Variants in RELT observed in about 807,000 individuals in gnomAD.
RELT encodes the protein tumor necrosis factor receptor superfamily member 19L.
Under a neutral mutation model 51.1 loss-of-function variants are expected in RELT, and 37 were observed. That is an observed-to-expected ratio of 0.72 (90% confidence interval 0.56 to 0.95). RELT has a LOEUF of 0.95. RELT is among the 40% of genes least tolerant of loss of function. The pLI is 0.00. For missense variants in RELT, 535 were observed against 572.6 expected, an observed-to-expected ratio of 0.93 and a Z score of 0.67; for synonymous variants, 241 against 235.7, an observed-to-expected ratio of 1.02 and a Z score of -0.21.
intron 1 of RELT, 143 bp downstream of exon 1, chr11:73,376,642 G>C (rs1865970374): frequency 6.6e-6 from 1 of 151,778 alleles, no homozygotes; most frequent in African/African-American, 2.4e-5. Flanking sequence ...CCGGCCGCGC[G>C]CCCCCCCACC....
chr11:73,395,760 G>T lies in RELT; in HGVS notation c.*269G>T. 3.6e-6 allele frequency: 2 copies of T among 553,414 alleles called. No homozygotes were observed. Among genetic ancestry groups the T allele is most frequent in the Non-Finnish European group, 6.5e-6 (2 of 308,858 alleles). 34.3% of individuals were successfully genotyped at this position (553,414 alleles called of 1,614,324 possible). A position where few individuals can be genotyped will look rare whatever the true frequency, so the allele number is the denominator to read the frequency against. ...GAAGGATGCCCCGACCCCCGTGCCT[G>T]CCCTGGCTGGATCCTAGGAGCCCAC... On this transcript the variant is annotated 3_prime_UTR_variant, in exon 11 of 11. Coordinates refer to ENST00000064780, the MANE Select transcript of RELT (RefSeq NM_152222.2).
At chr11:73,377,663 A>G (rs1316736819) in intron 1 of RELT, among the ~76,000 whole-genome samples, 1 of 150,926 alleles carries the variant, frequency 6.6e-6, no homozygotes, top group African/African-American at 2.4e-5. Flanking sequence ...GCGGACCCGG[A>G]CACAATCTTG....
rs754819013 is a variant in RELT, at chr11:73,394,795, G to A, written c.1046+61G>A. 104 of 1,562,394 alleles carry A rather than the reference G, an allele frequency of 6.7e-5. No individual in the cohort carries two copies. The Admixed American group carries it at 1.7e-3, about 26-fold the overall frequency. ...GACGTGACAGCCTGGGGGCCGGGAG[G>A]GGGAGGCAGGGCCCCAGCTTGGGCC... is the stretch of plus-strand genomic sequence containing the variant. On this transcript the variant is annotated intron_variant, in intron 9 of 10. Transcript: ENST00000064780. This position sits in a 1 kb window ranked among gnomAD's most constrained non-coding sequence, Gnocchi z 4.9.
rs1206095439 is a variant in RELT, at chr11:73,391,053, G to A, written c.288-91G>A. 7.9e-6 allele frequency: 12 copies of A among 1,522,834 alleles called. No individual in the cohort carries two copies. The Admixed American group carries it at 8.7e-5, about 11-fold the overall frequency. 94.3% of individuals were successfully genotyped at this position (1,522,834 alleles called of 1,614,324 possible). On this transcript the variant is annotated intron_variant, in intron 4 of 10. Coordinates refer to ENST00000064780, the MANE Select transcript of RELT (RefSeq NM_152222.2). ...GTGAAATGGGATGGGGCAGGACCACGGAGGGTGCCTGGTAGGAAGGAATCC... is the reference window on the plus strand; with the variant it reads ...GTGAAATGGGATGGGGCAGGACCACAGAGGGTGCCTGGTAGGAAGGAATCC...
Position 73,390,828 on chromosome 11 carries a change from G to C in RELT, c.194G>C (p.Cys65Ser). The C allele has an allele frequency of 1.9e-6, 3 of 1,612,632 alleles. No homozygotes were observed. Among genetic ancestry groups the C allele is most frequent in the Non-Finnish European group, 2.5e-6 (3 of 1,179,730 alleles). Reference sequence around the variant, plus strand: ...TCAGCTGCATGGGGCTCCAGCCCATGCCAGCCCCATGCCCGTTGCAGCCTT... The same window carrying C: ...TCAGCTGCATGGGGCTCCAGCCCATCCCAGCCCCATGCCCGTTGCAGCCTT... ...TFSAAWGSSP[C>S]QPHARCSLWR... Residue 65 changes from cysteine (C) to serine (S), a missense_variant, in exon 4 of 11, where the codon TGC becomes TCC. Physicochemically the swap from Cys to Ser is moderately radical, Grantham distance 112. Transcript: ENST00000064780.
At chr11:73,395,029 C>T in intron 9 of RELT, 58 bp from the exon 10 acceptor site, 1 of 1,454,382 alleles carries the variant, frequency 6.9e-7, no homozygotes, top group Non-Finnish European at 9.6e-7. Context: ...GCACGTGCTG[C>T]CTTCTCTGTG....
Position 73,393,907 on chromosome 11 carries a change from A to G in RELT, c.696A>G (p.Thr232=), listed in dbSNP as rs1180181357. ...DTIGVLVRLI[T]EKKENAAALE... ...TTGGGGTCCTGGTGCGCTTGATCAC[A>G]GAGAAGAAAGGTGAGGAGAAGGTCT... Residue 232 remains threonine (T), a synonymous_variant, in exon 7 of 11, where the codon ACA becomes ACG. Transcript: ENST00000064780. The G allele has an allele frequency of 1.9e-6, 3 of 1,613,792 alleles. No homozygotes were observed. The Admixed American group carries it at 5.0e-5, about 27-fold the overall frequency.
chr11:73,377,482 G>A (rs1865986795), intron 1 of RELT, among the ~76,000 whole-genome samples: 1 of 152,068 alleles, frequency 6.6e-6, no homozygotes, highest in Admixed American at 6.5e-5. Flanking sequence ...ATAGGCCCTG[G>A]CTGAGGGAGA....
In RELT at chr11:73,394,416, C is replaced by T. The variant is rs529651206; in HGVS notation, c.789-61C>T. 7 of 1,608,218 alleles carry T rather than the reference C, an allele frequency of 4.4e-6. No individual in the cohort carries two copies. In the Admixed American group the frequency reaches 6.7e-5, roughly 15 times the overall value. ...GGGTCTCCCTCAAGTCACCCTGTTC[C>T]CTGCTGGGGTCTCCTGCCCCTGGCC... On this transcript the variant is annotated intron_variant, in intron 8 of 10. Transcript: ENST00000064780. The surrounding 1 kb of genome is among the most constrained non-coding windows in gnomAD (Gnocchi z 4.9).
chr11:73,394,087 T>G lies in RELT; in HGVS notation c.707-149T>G. 7.3e-6 allele frequency: 7 copies of G among 953,690 alleles called. No individual in the cohort carries two copies. Among genetic ancestry groups the G allele is most frequent in the South Asian group, 7.3e-5 (5 of 68,350 alleles). The allele number at this position is 953,690 out of a possible 1,614,324, so 59.1% of individuals were successfully genotyped here. On this transcript the variant is annotated intron_variant, in intron 7 of 10. Transcript: ENST00000064780. The surrounding 1 kb of genome is among the most constrained non-coding windows in gnomAD (Gnocchi z 4.9). ...CAGGAGTGCACACCTCTGCCTCCCA[T>G]TCTTGCCTGATGAAGTGGGAGGAAA...
At chr11:73,381,219 G>A (rs377290048) in intron 1 of RELT, among the ~76,000 whole-genome samples, 1 of 152,226 alleles carries the variant, frequency 6.6e-6, no homozygotes, top group Non-Finnish European at 1.5e-5. Flanking sequence ...GTGGCTGTGA[G>A]CAAGTGCCCT....
At position 73,395,072 on chromosome 11, in the gene RELT, C is replaced by T. The variant is rs1212943071; in HGVS notation, c.1047-15C>T. On this transcript the variant is annotated splice_polypyrimidine_tract_variant and intron_variant, in intron 9 of 10. Transcript: ENST00000064780. ...ATCCCCGCTAACGGGGATGATTGCC[C>T]CACTCTCCTCACAGGTTCCGCGTGG... 6.2e-7 allele frequency: 1 copy of T among 1,606,880 alleles called. No individual in the cohort carries two copies. Among genetic ancestry groups the T allele is most frequent in the Non-Finnish European group, 8.5e-7 (1 of 1,174,718 alleles).
intron 1 of RELT, among the ~76,000 whole-genome samples, chr11:73,382,245 C>T (rs1317642320): frequency 1.3e-5 from 2 of 152,176 alleles, no homozygotes; most frequent in Non-Finnish European, 2.9e-5. Context: ...TCCCCAGCAC[C>T]GCAAGTCTGG....
chr11:73,379,792 A>G (rs1166286222), intron 1 of RELT, among the ~76,000 whole-genome samples: 3 of 152,272 alleles, frequency 2.0e-5, no homozygotes, highest in Admixed American at 1.3e-4. Context: ...GCTCTCCCGC[A>G]CACTGCCAGA....
At chr11:73,390,684 G>A in intron 3 of RELT, 59 bp downstream of exon 3, 1 of 1,609,228 alleles carries the variant, frequency 6.2e-7, no homozygotes, top group Admixed American at 1.7e-5. Context: ...CAGGGGCAGA[G>A]TCCTGTGCCT....
In RELT at chr11:73,395,749, C is replaced by G; in HGVS notation, c.*258C>G. On this transcript the variant is annotated 3_prime_UTR_variant, in exon 11 of 11. Transcript: ENST00000064780. Reference sequence around the variant, plus strand: ...GTTGCTCCCCTGAAGGATGCCCCGACCCCCGTGCCTGCCCTGGCTGGATCC... The same window carrying G: ...GTTGCTCCCCTGAAGGATGCCCCGAGCCCCGTGCCTGCCCTGGCTGGATCC... 1.8e-6 allele frequency: 1 copy of G among 558,314 alleles called. No homozygotes were observed. Among genetic ancestry groups the G allele is most frequent in the Non-Finnish European group, 3.2e-6 (1 of 311,860 alleles). The allele number at this position is 558,314 out of a possible 1,614,324, so 34.6% of individuals were successfully genotyped here. A position where few individuals can be genotyped will look rare whatever the true frequency, so the allele number is the denominator to read the frequency against.
chr11:73,392,798 C>T lies in RELT; in HGVS notation c.625+330C>T, dbSNP rs1866240662. On this transcript the variant is annotated intron_variant, in intron 6 of 10. Coordinates refer to ENST00000064780, the MANE Select transcript of RELT (RefSeq NM_152222.2). ...GTCGGATGGTGGCCTTGGAGTTACT[C>T]AAGGTGACCTCTGACCTCTGGCCTG... 31 of 1,253,808 alleles carry T rather than the reference C, an allele frequency of 2.5e-5. No homozygotes were observed. In the South Asian group the frequency reaches 3.2e-4, roughly 13 times the overall value. 77.7% of individuals were successfully genotyped at this position (1,253,808 alleles called of 1,614,324 possible).
intron 5 of RELT, 61 bp downstream of exon 5, chr11:73,391,284 T>TGGA: frequency 6.8e-7 from 1 of 1,471,730 alleles, no homozygotes; most frequent in Non-Finnish European, 9.4e-7. Context: ...GCCAGTGAGT[T>TGGA]GGAGCCCAGC....
In RELT at chr11:73,393,882, T is replaced by A. The variant is rs147675855; in HGVS notation, c.671T>A (p.Ile224Asn). 6.2e-7 allele frequency: 1 copy of A among 1,613,860 alleles called. No individual in the cohort carries two copies. The highest frequency in any genetic ancestry group is 1.7e-5 in the Admixed American group (1 of 60,012). The change falls in exon 7 of 11, where the codon ATT becomes AAT. Residue 224 changes from isoleucine (I) to asparagine (N), a missense_variant. Physicochemically the swap from Ile to Asn is moderately radical, Grantham distance 149. Transcript: ENST00000064780. Reference protein sequence around the residue: ...YRTEDANEDTIGVLVRLITEK... With the variant: ...YRTEDANEDTNGVLVRLITEK... Reference sequence around the variant, plus strand: ...ACTGAGGATGCCAATGAGGACACCATTGGGGTCCTGGTGCGCTTGATCACA... The same window carrying A: ...ACTGAGGATGCCAATGAGGACACCAATGGGGTCCTGGTGCGCTTGATCACA...
Sources: gnomAD v4.1 joint callset for allele counts (sites outside exome capture counted in the v4.1 genomes callset) on GRCh38, gnomAD v4.1.1 for gene constraint, Gnocchi (gnomAD v3.1) non-coding constraint, MANE v1.5 for transcripts, NCBI Gene and HGNC (gene_info 2026-07-23, HGNC 2026-07-21) for gene names.